C2CD4C: variants seen among roughly 807,000 people sequenced by gnomAD.
C2CD4C encodes C2 calcium-dependent domain-containing protein 4C.
C2CD4C carries 3 observed loss-of-function variants against 4.1 expected under a neutral mutation model. That is an observed-to-expected ratio of 0.73 (90% confidence interval 0.33 to 1.88). C2CD4C has a LOEUF of 1.88. Ranked by LOEUF, C2CD4C falls within the 40% of genes most tolerant of loss-of-function variation. C2CD4C has a pLI of 0.08. For missense variants in C2CD4C, 664 were observed against 621.5 expected (o/e 1.07, Z -0.73); for synonymous variants, 364 against 290.4 (o/e 1.25, Z -2.57).
chr19:405,793 G>T lies in C2CD4C; in HGVS notation c.*1303C>A, dbSNP rs1973973370. The T allele has an allele frequency of 6.6e-6, 1 of 152,274 alleles. No homozygotes were observed. The highest frequency in any genetic ancestry group is 2.4e-5 in the African/African-American group (1 of 41,434). The allele number at this position is 152,274 out of a possible 1,614,324, so 9.4% of individuals were successfully genotyped here. On this transcript the variant is annotated 3_prime_UTR_variant, in exon 2 of 2. Coordinates refer to ENST00000332235, the MANE Select transcript of C2CD4C (RefSeq NM_001136263.2). ...GAGGGCTCACAGGTGTGTCCCACCG[G>T]ACGTGCAGCAGGGGCCCAGCTGCTC...
At position 407,939 on chromosome 19, in the gene C2CD4C, C is replaced by T. The variant is rs1367496735; in HGVS notation, c.423G>A (p.Val141=). 5 of 1,548,260 alleles carry T rather than the reference C, an allele frequency of 3.2e-6. No homozygotes were observed. The highest frequency in any genetic ancestry group is 4.4e-6 in the Non-Finnish European group (5 of 1,146,258). The part of the protein sequence containing the change: ...QAQGAMSLPS[V]PKAQTSYGFA... ...AGCCGTAGGACGTCTGGGCCTTGGG[C>T]ACCGAGGGCAGGGACATGGCACCCT... The change falls in exon 2 of 2, where the codon GTG becomes GTA. Residue 141 remains valine (V), a synonymous_variant. Coordinates refer to ENST00000332235, the MANE Select transcript of C2CD4C (RefSeq NM_001136263.2).
Position 408,131 on chromosome 19 carries a change from G to A in C2CD4C, c.231C>T (p.Asn77=), listed in dbSNP as rs1281156684. The A allele has an allele frequency of 2.1e-6, 3 of 1,462,790 alleles. No individual in the cohort carries two copies. Among genetic ancestry groups the A allele is most frequent in the Middle Eastern group, 1.8e-4 (1 of 5,418 alleles). 90.6% of individuals were successfully genotyped at this position (1,462,790 alleles called of 1,614,324 possible). A position where few individuals can be genotyped will look rare whatever the true frequency, so the allele number is the denominator to read the frequency against. The part of the protein sequence containing the change: ...AALGPSTSEQ[N]LASAAPRQTP... ...TCTGGCGGGGGGCCGCAGAGGCCAG[G>A]TTCTGTTCCGACGTGGAGGGGCCCA... The change falls in exon 2 of 2, where the codon AAC becomes AAT. Residue 77 remains asparagine (N), a synonymous_variant. Transcript: ENST00000332235.
rs890657679 is a variant in C2CD4C at position 406,779 on chromosome 19, G to A, written c.*317C>T. 4.5e-5 allele frequency: 15 copies of A among 336,376 alleles called. No individual in the cohort carries two copies. Among genetic ancestry groups the A allele is most frequent in the African/African-American group, 2.1e-4 (10 of 46,800 alleles). 20.8% of individuals were successfully genotyped at this position (336,376 alleles called of 1,614,324 possible). ...CCTTCTAGAACTCTGCGTGAAAGGCGCGAGGCAGTGTGGAGGGGCAAAGGG... is the reference window on the plus strand; with the variant it reads ...CCTTCTAGAACTCTGCGTGAAAGGCACGAGGCAGTGTGGAGGGGCAAAGGG... On this transcript the variant is annotated 3_prime_UTR_variant, in exon 2 of 2. Transcript: ENST00000332235.
At position 407,756 on chromosome 19, in the gene C2CD4C, C is replaced by A; in HGVS notation, c.606G>T (p.Gly202=). The A allele has an allele frequency of 6.6e-7, 1 of 1,516,996 alleles. No individual in the cohort carries two copies. Among genetic ancestry groups the A allele is most frequent in the Non-Finnish European group, 8.8e-7 (1 of 1,131,966 alleles). The allele number at this position is 1,516,996 out of a possible 1,614,324, so 94.0% of individuals were successfully genotyped here. Residue 202 remains glycine, a synonymous_variant, in exon 2 of 2, where the codon GGG becomes GGT. Transcript: ENST00000332235. The part of the protein sequence containing the change: ...GGDGGPREAG[G]ALMSPGRYFS... Reference sequence around the variant, plus strand: ...AGTAGCGGCCGGGGCTCATGAGGGCCCCGCCAGCCTCCCTGGGGCCCCCAT... The same window carrying A: ...AGTAGCGGCCGGGGCTCATGAGGGCACCGCCAGCCTCCCTGGGGCCCCCAT...
At position 406,871 on chromosome 19, in the gene C2CD4C, C is replaced by T. The variant is rs965973985; in HGVS notation, c.*225G>A. ...GGCCCCTCTCCTCCTCCTCCTCCTC[C>T]TCCAAAGGAGAAATTAATTCATGAA... On this transcript the variant is annotated 3_prime_UTR_variant, in exon 2 of 2. Transcript: ENST00000332235. The T allele has an allele frequency of 3.4e-5, 18 of 536,368 alleles. No homozygotes were observed. The highest frequency in any genetic ancestry group is 2.0e-5 in the Non-Finnish European group (6 of 307,034). The allele number at this position is 536,368 out of a possible 1,614,324, so 33.2% of individuals were successfully genotyped here.
In C2CD4C at chr19:407,314, G is replaced by T; in HGVS notation, c.1048C>A (p.Leu350Met). The change falls in exon 2 of 2, where the codon CTG becomes ATG. Residue 350 changes from leucine (L) to methionine (M), a missense_variant. Coordinates refer to ENST00000332235, the MANE Select transcript of C2CD4C (RefSeq NM_001136263.2). The stretch of plus-strand genomic sequence containing the variant: ...TGCTTCTGCAGCTTGCCCGGCACCA[G>T]GCACAGGCCCACGCAGCAGTTGATG... ...RSINCCVGLC[L>M]VPGKLQKQRS... is the part of the protein sequence containing the mutation. 6.5e-7 allele frequency: 1 copy of T among 1,549,668 alleles called. No homozygotes were observed.
rs560436352 is a variant in C2CD4C at position 405,563 on chromosome 19, G to T, written c.*1533C>A. ...ACTAAGATATCAAAGAGTGCAGGGG[G>T]GCTACTAAACGGGGGACCCCAGGGA... On this transcript the variant is annotated 3_prime_UTR_variant, in exon 2 of 2. Coordinates refer to ENST00000332235, the MANE Select transcript of C2CD4C (RefSeq NM_001136263.2). The T allele has an allele frequency of 6.6e-6, 1 of 152,290 alleles. No homozygotes were observed. The highest frequency in any genetic ancestry group is 2.4e-5 in the African/African-American group (1 of 41,502). 9.4% of individuals were successfully genotyped at this position (152,290 alleles called of 1,614,324 possible). A position where few individuals can be genotyped will look rare whatever the true frequency, so the allele number is the denominator to read the frequency against.
Position 407,770 on chromosome 19 carries a change from T to C in C2CD4C, c.592A>G (p.Arg198Gly). The change falls in exon 2 of 2, where the codon AGG becomes GGG. Residue 198 changes from arginine (R) to glycine (G), a missense_variant. Coordinates refer to ENST00000332235, the MANE Select transcript of C2CD4C (RefSeq NM_001136263.2). ...AKANGGDGGPREAGGALMSPG... is the reference protein window; with the variant it reads ...AKANGGDGGPGEAGGALMSPG... ...CTCATGAGGGCCCCGCCAGCCTCCC[T>C]GGGGCCCCCATCACCCCCGTTGGCC... The C allele has an allele frequency of 6.6e-7, 1 of 1,517,310 alleles. No individual in the cohort carries two copies. Among genetic ancestry groups the C allele is most frequent in the East Asian group, 2.5e-5 (1 of 40,410 alleles). 94.0% of individuals were successfully genotyped at this position (1,517,310 alleles called of 1,614,324 possible). A position where few individuals can be genotyped will look rare whatever the true frequency, so the allele number is the denominator to read the frequency against.
At position 407,660 on chromosome 19, in the gene C2CD4C, G is replaced by T. The variant is rs1248738562; in HGVS notation, c.702C>A (p.Arg234=). The change falls in exon 2 of 2, where the codon CGC becomes CGA. Residue 234 remains arginine, a synonymous_variant. Transcript: ENST00000332235. ...SSPFGSPLLS[R]SVSLLKGFAQ... is the part of the protein sequence containing the mutation. Reference sequence around the variant, plus strand: ...CGAAACCTTTGAGCAGAGACACGGAGCGGGACAGCAGAGGGGACCCGAAGG... The same window carrying T: ...CGAAACCTTTGAGCAGAGACACGGATCGGGACAGCAGAGGGGACCCGAAGG... The T allele has an allele frequency of 6.6e-7, 1 of 1,521,160 alleles. No homozygotes were observed. The highest frequency in any genetic ancestry group is 8.8e-7 in the Non-Finnish European group (1 of 1,133,578). The allele number at this position is 1,521,160 out of a possible 1,614,324, so 94.2% of individuals were successfully genotyped here. A position where few individuals can be genotyped will look rare whatever the true frequency, so the allele number is the denominator to read the frequency against.
Position 407,081 on chromosome 19 carries a change from G to C in C2CD4C, c.*15C>G. 2 of 1,532,468 alleles carry C rather than the reference G, an allele frequency of 1.3e-6. No homozygotes were observed. The highest frequency in any genetic ancestry group is 2.0e-5 in the Admixed American group (1 of 50,240). The allele number at this position is 1,532,468 out of a possible 1,614,324, so 94.9% of individuals were successfully genotyped here. A position where few individuals can be genotyped will look rare whatever the true frequency, so the allele number is the denominator to read the frequency against. The stretch of plus-strand genomic sequence containing the variant: ...TGCCCTCTGCACCCGAGCGGACAGC[G>C]AGCAGGTCCCCGCTCTACAGGAAGG... On this transcript the variant is annotated 3_prime_UTR_variant, in exon 2 of 2. Transcript: ENST00000332235.
rs754768466 is a variant in C2CD4C, at chr19:408,143, C to T, written c.219G>A (p.Thr73=). ...GEGQAALGPS[T]SEQNLASAAP... is the part of the protein sequence containing the mutation. ...CCGCAGAGGCCAGGTTCTGTTCCGA[C>T]GTGGAGGGGCCCAGCGCGGCCTGTC... The change falls in exon 2 of 2, where the codon ACG becomes ACA. Residue 73 remains threonine, a synonymous_variant. Transcript: ENST00000332235. The T allele has an allele frequency of 2.1e-6, 3 of 1,455,974 alleles. No homozygotes were observed. The highest frequency in any genetic ancestry group is 2.8e-5 in the Admixed American group (1 of 35,620). 90.2% of individuals were successfully genotyped at this position (1,455,974 alleles called of 1,614,324 possible). A position where few individuals can be genotyped will look rare whatever the true frequency, so the allele number is the denominator to read the frequency against.
In C2CD4C at chr19:407,644, T is replaced by C. The variant is rs1974013199; in HGVS notation, c.718A>G (p.Lys240Glu). The change falls in exon 2 of 2, where the codon AAA becomes GAA. Residue 240 changes from lysine to glutamate, a missense_variant. Transcript: ENST00000332235. ...GCCTGGCTGTCCTGGGCGAAACCTT[T>C]GAGCAGAGACACGGAGCGGGACAGC... Reference protein sequence around the residue: ...PLLSRSVSLLKGFAQDSQAKV... With the variant: ...PLLSRSVSLLEGFAQDSQAKV... 1 of 1,493,298 alleles carries C rather than the reference T, an allele frequency of 6.7e-7. No individual in the cohort carries two copies. The highest frequency in any genetic ancestry group is 1.4e-5 in the African/African-American group (1 of 69,006). The allele number at this position is 1,493,298 out of a possible 1,614,324, so 92.5% of individuals were successfully genotyped here. A position where few individuals can be genotyped will look rare whatever the true frequency, so the allele number is the denominator to read the frequency against.
Position 408,338 on chromosome 19 carries a change from G to T in C2CD4C, c.24C>A (p.Phe8Leu). MRKTNMW[F>L]LERLRGSGEN... ...CCCCAGACCCCCGAAGCCGCTCCAA[G>T]AACCACATGTTGGTTTTTCTCATGG... Residue 8 changes from phenylalanine (F) to leucine (L), a missense_variant, in exon 2 of 2, where the codon TTC becomes TTA. Transcript: ENST00000332235. 1 of 1,548,062 alleles carries T rather than the reference G, an allele frequency of 6.5e-7. No homozygotes were observed. The highest frequency in any genetic ancestry group is 8.7e-7 in the Non-Finnish European group (1 of 1,145,946).
chr19:407,654 C>T lies in C2CD4C; in HGVS notation c.708G>A (p.Val236=). 2 of 1,507,288 alleles carry T rather than the reference C, an allele frequency of 1.3e-6. No individual in the cohort carries two copies. The highest frequency in any genetic ancestry group is 1.4e-5 in the African/African-American group (1 of 69,890). 93.4% of individuals were successfully genotyped at this position (1,507,288 alleles called of 1,614,324 possible). The stretch of plus-strand genomic sequence containing the variant: ...CCTGGGCGAAACCTTTGAGCAGAGA[C>T]ACGGAGCGGGACAGCAGAGGGGACC... The part of the protein sequence containing the change: ...PFGSPLLSRS[V]SLLKGFAQDS... Residue 236 remains valine, a synonymous_variant, in exon 2 of 2, where the codon GTG becomes GTA. Transcript: ENST00000332235.
Position 407,279 on chromosome 19 carries a change from G to C in C2CD4C, c.1083C>G (p.Thr361=), listed in dbSNP as rs779654602. 2.9e-5 allele frequency: 45 copies of C among 1,550,044 alleles called. No individual in the cohort carries two copies. Among genetic ancestry groups the C allele is most frequent in the Non-Finnish European group, 6.1e-6 (7 of 1,146,872 alleles). Residue 361 remains threonine, a synonymous_variant, in exon 2 of 2, where the codon ACC becomes ACG. Transcript: ENST00000332235. The stretch of plus-strand genomic sequence containing the variant: ...CGGGGCGGCGGCTGTTCTTCACGAT[G>C]GTGCTGCGCTGCTTCTGCAGCTTGC... ...VPGKLQKQRS[T]IVKNSRRPVF...
At position 407,483 on chromosome 19, in the gene C2CD4C, G is replaced by C; in HGVS notation, c.879C>G (p.Gly293=). The C allele has an allele frequency of 1.4e-6, 2 of 1,383,622 alleles. No homozygotes were observed. The allele number at this position is 1,383,622 out of a possible 1,614,324, so 85.7% of individuals were successfully genotyped here. A position where few individuals can be genotyped will look rare whatever the true frequency, so the allele number is the denominator to read the frequency against. ...GGACCGTGTGCTCCCCACGCGCCTG[G>C]CCCGACTCGGGGCCAGGTTCCGGGG... ...RAPPEPGPES[G]QARGEHTVHV... The change falls in exon 2 of 2, where the codon GGC becomes GGG. Residue 293 remains glycine, a synonymous_variant. Coordinates refer to ENST00000332235, the MANE Select transcript of C2CD4C (RefSeq NM_001136263.2).
At chr19:408,583 T>A (rs1256765587) in intron 1 of C2CD4C, among the ~76,000 whole-genome samples, 182 bp from the exon 2 acceptor site, 1 of 151,898 alleles carries the variant, frequency 6.6e-6, no homozygotes, top group Non-Finnish European at 1.5e-5. Flanking sequence ...TCCCCCCACC[T>A]TTTTCCGGAG....
rs2145672251 is a variant in C2CD4C at position 406,277 on chromosome 19, G to C, written c.*819C>G. 6.6e-6 allele frequency: 1 copy of C among 152,410 alleles called. No homozygotes were observed. The highest frequency in any genetic ancestry group is 1.9e-4 in the East Asian group (1 of 5,186). The allele number at this position is 152,410 out of a possible 1,614,324, so 9.4% of individuals were successfully genotyped here. A position where few individuals can be genotyped will look rare whatever the true frequency, so the allele number is the denominator to read the frequency against. On this transcript the variant is annotated 3_prime_UTR_variant, in exon 2 of 2. Coordinates refer to ENST00000332235, the MANE Select transcript of C2CD4C (RefSeq NM_001136263.2). ...CCAGCGAGGACGGATGGGCCATAGG[G>C]CTGCTCTCTGGGCATCTCTGAGCAA...
chr19:408,101 T>C lies in C2CD4C; in HGVS notation c.261A>G (p.Pro87=), dbSNP rs1351204201. Residue 87 remains proline (P), a synonymous_variant, in exon 2 of 2, where the codon CCA becomes CCG. Coordinates refer to ENST00000332235, the MANE Select transcript of C2CD4C (RefSeq NM_001136263.2). ...NLASAAPRQT[P]RSPRLPAKLA... ...GCTTGGCAGGCAGCCGGGGGCTCCG[T>C]GGGGTCTGGCGGGGGGCCGCAGAGG... 3 of 1,487,260 alleles carry C rather than the reference T, an allele frequency of 2.0e-6. No homozygotes were observed. The highest frequency in any genetic ancestry group is 1.4e-5 in the African/African-American group (1 of 69,984). The allele number at this position is 1,487,260 out of a possible 1,614,324, so 92.1% of individuals were successfully genotyped here.
Sources: allele counts gnomAD v4.1 joint callset (sites outside exome capture counted in the v4.1 genomes callset), GRCh38; gene constraint gnomAD v4.1.1; transcripts MANE v1.5; gene names NCBI Gene and HGNC (gene_info 2026-07-23, HGNC 2026-07-21).